The following ST6GALNAC3 variants were observed in gnomAD, a reference collection of about 807,000 sequenced individuals.
ST6GALNAC3 encodes the protein alpha-N-acetylgalactosaminide alpha-2,6-sialyltransferase 3.
A neutral mutation model predicts 32.7 loss-of-function variants in ST6GALNAC3; 25 were observed. The observed-to-expected ratio is 0.76, with a 90% CI of 0.56 to 1.07. ST6GALNAC3 has a LOEUF of 1.07. ST6GALNAC3 is among the 50% of genes least tolerant of loss of function. The pLI is 0.00. For synonymous variants in ST6GALNAC3, 129 were observed against 133.1 expected, an observed-to-expected ratio of 0.97 and a Z score of 0.21; for missense variants, 355 against 382.4, an observed-to-expected ratio of 0.93 and a Z score of 0.60.
chr1:76,534,619 A>G (rs1049117400), intron 3 of ST6GALNAC3, among the ~76,000 whole-genome samples: 8 of 151,702 alleles, frequency 5.3e-5, no homozygotes, highest in Non-Finnish European at 7.4e-5. Context: ...TTCCTTTCCT[A>G]CTCCACCCAA....
chr1:76,592,931 C>A lies in ST6GALNAC3; in HGVS notation c.624-34521C>A, dbSNP rs189954187. 3.9e-5 allele frequency among the ~76,000 whole-genome samples: 6 copies of A among 152,116 alleles called. No homozygotes were observed. The East Asian group carries it at 1.2e-3, about 29-fold the overall frequency. On this transcript the variant is annotated intron_variant, in intron 3 of 4. Coordinates refer to ENST00000328299, the MANE Select transcript of ST6GALNAC3 (RefSeq NM_152996.4). ...CAGAGAAGCCAAAGACTATTTTATA[C>A]AAATCCACTTTTAAAAGGGGAATTC... is the stretch of plus-strand genomic sequence containing the variant.
chr1:76,580,208 A>G (rs1422300845), intron 3 of ST6GALNAC3, among the ~76,000 whole-genome samples: 1 of 152,106 alleles, frequency 6.6e-6, no homozygotes, highest in Non-Finnish European at 1.5e-5. Flanking sequence ...TTGCATTTAC[A>G]TCATCCCTGT....
At chr1:76,207,632 G>A (rs974420249) in intron 1 of ST6GALNAC3, among the ~76,000 whole-genome samples, 3 of 152,112 alleles carry the variant, frequency 2.0e-5, no homozygotes, top group Non-Finnish European at 2.9e-5. Flanking sequence ...CGGTGATCAT[G>A]GCATTAACTC....
intron 1 of ST6GALNAC3, among the ~76,000 whole-genome samples, chr1:76,202,749 G>A (rs1654604389): frequency 6.6e-6 from 1 of 152,138 alleles, no homozygotes; most frequent in South Asian, 2.1e-4. Context: ...CTTAAAAAAT[G>A]CAAGCAAGTC....
At chr1:76,571,468 C>G (rs315018) in intron 3 of ST6GALNAC3, among the ~76,000 whole-genome samples, 5 of 151,992 alleles carry the variant, frequency 3.3e-5, no homozygotes, top group African/African-American at 1.2e-4. Context: ...TTATCACAGA[C>G]TGTAGGAAAC....
chr1:76,533,652 T>A (rs1235352718), intron 3 of ST6GALNAC3, among the ~76,000 whole-genome samples: 1 of 152,146 alleles, frequency 6.6e-6, no homozygotes, highest in Non-Finnish European at 1.5e-5. Context: ...CCTCTCATCC[T>A]GTCCCCTTAC....
At chr1:76,090,336 G>A (rs1647027088) in intron 1 of ST6GALNAC3, among the ~76,000 whole-genome samples, 1 of 152,202 alleles carries the variant, frequency 6.6e-6, no homozygotes, top group African/African-American at 2.4e-5. Flanking sequence ...GGTCAGACCT[G>A]GTGGAATTAG....
intron 1 of ST6GALNAC3, among the ~76,000 whole-genome samples, chr1:76,202,271 T>C (rs967124087): frequency 6.8e-5 from 9 of 133,088 alleles, no homozygotes; most frequent in African/African-American, 2.9e-4. Flanking sequence ...TGCATGCATG[T>C]GTGTGTGTGT....
intron 3 of ST6GALNAC3, among the ~76,000 whole-genome samples, chr1:76,620,198 A>G (rs959547710): frequency 2.0e-5 from 3 of 152,058 alleles, no homozygotes; most frequent in Non-Finnish European, 4.4e-5. Flanking sequence ...AAGATTGAAA[A>G]CTGGAGAGGA....
Position 76,204,591 on chromosome 1 carries a change from C to G in ST6GALNAC3, c.19-109214C>G, listed in dbSNP as rs537413122. Among the ~76,000 whole-genome samples, 11 of 152,206 alleles carry G rather than the reference C, an allele frequency of 7.2e-5. No individual in the cohort carries two copies. The East Asian group carries it at 1.9e-3, about 27-fold the overall frequency. On this transcript the variant is annotated intron_variant, in intron 1 of 4. Transcript: ENST00000328299. ...TGGGTGTGGTTTTGAGCCTGGATAT[C>G]CAGAAGCAGTGTTTCTCAAATGGCA...
intron 1 of ST6GALNAC3, among the ~76,000 whole-genome samples, chr1:76,308,586 C>T (rs533420778): frequency 2.0e-5 from 3 of 152,112 alleles, no homozygotes; most frequent in Admixed American, 1.3e-4. Flanking sequence ...CATGTGTAAA[C>T]AGGTAGAGTC....
chr1:76,209,395 C>T (rs1216241317), intron 1 of ST6GALNAC3, among the ~76,000 whole-genome samples: 1 of 152,158 alleles, frequency 6.6e-6, no homozygotes, highest in East Asian at 1.9e-4. Context: ...TCAAGCATGC[C>T]AGGATGAGGG....
intron 1 of ST6GALNAC3, among the ~76,000 whole-genome samples, chr1:76,286,437 T>A (rs924324454): frequency 6.6e-6 from 1 of 152,216 alleles, no homozygotes; most frequent in African/African-American, 2.4e-5. Context: ...TCCATAGAGA[T>A]GTTTTAACAC....
chr1:76,611,067 G>GTATATATA (rs10646330), intron 3 of ST6GALNAC3, among the ~76,000 whole-genome samples: 6 of 148,686 alleles, frequency 4.0e-5, no homozygotes, highest in African/African-American at 1.2e-4. Flanking sequence ...TCCAGGTGAG[G>GTATATATA]TATATATATA....
chr1:76,600,017 C>T (rs1272114093), intron 3 of ST6GALNAC3, among the ~76,000 whole-genome samples: 1 of 151,904 alleles, frequency 6.6e-6, no homozygotes, highest in African/African-American at 2.4e-5. Context: ...GTTTGTGTAC[C>T]CTTAACATTC....
intron 3 of ST6GALNAC3, among the ~76,000 whole-genome samples, chr1:76,555,703 A>G (rs1237565212): frequency 2.0e-5 from 3 of 152,102 alleles, no homozygotes; most frequent in Admixed American, 6.6e-5. Flanking sequence ...GGGAGGCAGG[A>G]GTGAGAGATG....
intron 3 of ST6GALNAC3, among the ~76,000 whole-genome samples, chr1:76,484,436 A>G (rs1217112496): frequency 6.6e-6 from 1 of 152,066 alleles, no homozygotes; most frequent in Non-Finnish European, 1.5e-5. Context: ...GAGGTCCTTC[A>G]CATCCCTTGT....
intron 3 of ST6GALNAC3, among the ~76,000 whole-genome samples, chr1:76,477,812 G>A (rs536022626): frequency 1.3e-5 from 2 of 152,260 alleles, no homozygotes; most frequent in South Asian, 4.2e-4. Flanking sequence ...TCATATGCCA[G>A]ACACAGTTCT....
chr1:76,392,609 C>G (rs1216681812), intron 2 of ST6GALNAC3, among the ~76,000 whole-genome samples: 1 of 152,150 alleles, frequency 6.6e-6, no homozygotes, highest in African/African-American at 2.4e-5. Flanking sequence ...CCAAGAGAGA[C>G]TTCATTAAAT....
Sources: allele counts gnomAD v4.1 joint callset (sites outside exome capture counted in the v4.1 genomes callset), GRCh38; gene constraint gnomAD v4.1.1; transcripts MANE v1.5; gene names NCBI Gene and HGNC (gene_info 2026-07-23, HGNC 2026-07-21).